PDE4B: variants seen among roughly 807,000 people sequenced by gnomAD.
PDE4B encodes the protein phosphodiesterase 4B, also known as 3',5'-cyclic-AMP phosphodiesterase 4B.
PDE4B carries 20 observed loss-of-function variants against 82.2 expected under a neutral mutation model. That is an observed-to-expected ratio of 0.24 (90% CI 0.17 to 0.35). PDE4B has a LOEUF of 0.35. Ranked by LOEUF, PDE4B falls within the 10% of genes least tolerant of loss-of-function variation. The pLI is 1.00. For synonymous variants in PDE4B, 320 were observed against 318.9 expected, an observed-to-expected ratio of 1.00 and a Z score of -0.04; for missense variants, 655 against 907.2, an observed-to-expected ratio of 0.72 and a Z score of 3.57.
chr1:66,235,407 T>A (rs1652330138), intron 3 of PDE4B, among the ~76,000 whole-genome samples: 1 of 152,200 alleles, frequency 6.6e-6, no homozygotes, highest in South Asian at 2.1e-4. Context: ...TTTAGAATTG[T>A]TATATTCTCA....
At chr1:66,258,321 A>G (rs531616976) in intron 6 of PDE4B, among the ~76,000 whole-genome samples, 3 of 152,368 alleles carry the variant, frequency 2.0e-5, no homozygotes, top group Admixed American at 6.5e-5. Flanking sequence ...TTTAATGAAT[A>G]AGAGTGGGAT....
chr1:66,096,519 T>C lies in PDE4B; in HGVS notation c.282-150941T>C, dbSNP rs948443829. Among the ~76,000 whole-genome samples, 39 of 138,788 alleles carry C rather than the reference T, an allele frequency of 2.8e-4. 1 individual carries two copies. The highest frequency in any genetic ancestry group is 9.3e-4 in the Admixed American group (13 of 13,910). The allele number at this position is 138,788 out of a possible 152,430, so 91.1% of individuals were successfully genotyped here. On this transcript the variant is annotated intron_variant, in intron 3 of 16. Coordinates refer to ENST00000341517, the MANE Select transcript of PDE4B (RefSeq NM_002600.4). ...ATAAGTAAAAAAAATTATATATATA[T>C]ATATATATATATATATATATATACT...
chr1:66,217,032 C>T (rs751395050), intron 3 of PDE4B, among the ~76,000 whole-genome samples: 47 of 152,218 alleles, frequency 3.1e-4, no homozygotes, highest in Non-Finnish European at 4.3e-4. Flanking sequence ...ATCATCATGT[C>T]TGCTTCATTT....
intron 16 of PDE4B, among the ~76,000 whole-genome samples, chr1:66,371,821 G>C (rs984191546): frequency 6.6e-6 from 1 of 152,322 alleles, no homozygotes; most frequent in South Asian, 2.1e-4. Flanking sequence ...GTCAAAACAC[G>C]TTAGACCTGG....
Position 66,240,373 on chromosome 1 carries a change from T to C in PDE4B, c.282-7087T>C, listed in dbSNP as rs191718211. 1.6e-4 allele frequency among the ~76,000 whole-genome samples: 24 copies of C among 152,282 alleles called. No individual in the cohort carries two copies. In the East Asian group the frequency reaches 4.4e-3, roughly 28 times the overall value. Reference sequence around the variant, plus strand: ...TCATCTGACTCAATTCTTTAAAGTATAGAAATGAGGATAGGAAGGAACTAA... The same window carrying C: ...TCATCTGACTCAATTCTTTAAAGTACAGAAATGAGGATAGGAAGGAACTAA... On this transcript the variant is annotated intron_variant, in intron 3 of 16. Coordinates refer to ENST00000341517, the MANE Select transcript of PDE4B (RefSeq NM_002600.4).
chr1:66,124,809 T>C lies in PDE4B; in HGVS notation c.282-122651T>C, dbSNP rs141314144. ...AATTTACGTTCTCCTTGTGTTTGCGTGGGTTTTCTCCCAGTACTCCAGTTT... is the reference window on the plus strand; with the variant it reads ...AATTTACGTTCTCCTTGTGTTTGCGCGGGTTTTCTCCCAGTACTCCAGTTT... On this transcript the variant is annotated intron_variant, in intron 3 of 16. Transcript: ENST00000341517. Among the ~76,000 whole-genome samples, 3 of 152,246 alleles carry C rather than the reference T, an allele frequency of 2.0e-5. No homozygotes were observed. The East Asian group carries it at 5.8e-4, about 29-fold the overall frequency.
At chr1:66,306,950 G>A (rs931293357) in intron 7 of PDE4B, among the ~76,000 whole-genome samples, 5 of 152,160 alleles carry the variant, frequency 3.3e-5, no homozygotes, top group African/African-American at 7.2e-5. Flanking sequence ...GATTTGGGAG[G>A]CATCTAAATG....
intron 7 of PDE4B, among the ~76,000 whole-genome samples, chr1:66,276,075 C>G (rs1557673958): frequency 6.6e-6 from 1 of 152,144 alleles, no homozygotes; most frequent in Non-Finnish European, 1.5e-5. Flanking sequence ...TTTCTAGGGT[C>G]TAGTCTGGCT....
chr1:66,210,595 CAAAAAAAAAAAAAAA>C (rs35825766), intron 3 of PDE4B, among the ~76,000 whole-genome samples: 1 of 45,802 alleles, frequency 2.2e-5, no homozygotes, highest in African/African-American at 8.5e-5. Flanking sequence ...GACTCCATCT[CAAAAAAAAAAAAAAA>C]AAAAAAAAAG....
chr1:66,144,633 G>T (rs1027532393), intron 3 of PDE4B, among the ~76,000 whole-genome samples: 1 of 152,152 alleles, frequency 6.6e-6, no homozygotes, highest in African/African-American at 2.4e-5. Flanking sequence ...GATTAAGGAG[G>T]CTCAATCATT....
chr1:66,092,426 A>G (rs1242916353), intron 3 of PDE4B, among the ~76,000 whole-genome samples: 2 of 152,044 alleles, frequency 1.3e-5, no homozygotes, highest in East Asian at 3.9e-4. Context: ...TCCTCTGCAT[A>G]CTATTCATTT....
intron 3 of PDE4B, among the ~76,000 whole-genome samples, chr1:66,201,331 TCTTTGGTATCAGGATGATGCTGGC>T (rs1464569530): frequency 6.6e-6 from 1 of 150,656 alleles, no homozygotes; most frequent in Non-Finnish European, 1.5e-5. Flanking sequence ...TCTCTGCCAG[TCTTTGGTATCAGGATGATGCTGGC>T]CTCATAAAAT....
intron 1 of PDE4B, among the ~76,000 whole-genome samples, chr1:65,904,458 T>C (rs1339978117): frequency 3.9e-5 from 6 of 152,230 alleles, no homozygotes; most frequent in African/African-American, 1.4e-4. Flanking sequence ...TCCAATTTAA[T>C]GTAAATTCCT....
chr1:65,899,545 G>A (rs1357789448), intron 1 of PDE4B, among the ~76,000 whole-genome samples: 2 of 150,702 alleles, frequency 1.3e-5, no homozygotes, highest in East Asian at 1.9e-4. Flanking sequence ...TGCACAATTC[G>A]CAATTGCAAA....
In PDE4B at chr1:65,883,120, C is replaced by T. The variant is rs1646728480; in HGVS notation, c.-70-30125C>T. 2.0e-5 allele frequency among the ~76,000 whole-genome samples: 3 copies of T among 152,004 alleles called. 1 individual carries two copies. In the South Asian group the frequency reaches 6.2e-4, roughly 31 times the overall value. ...AGATGAGACTCCTGTTATGAAAATGCTTTGTCTTGGAAATGCGGGCTCTTT... is the reference window on the plus strand; with the variant it reads ...AGATGAGACTCCTGTTATGAAAATGTTTTGTCTTGGAAATGCGGGCTCTTT... On this transcript the variant is annotated intron_variant, in intron 1 of 16. Coordinates refer to ENST00000341517, the MANE Select transcript of PDE4B (RefSeq NM_002600.4).
chr1:66,374,467 T>G lies in PDE4B; in HGVS notation c.*1789T>G, dbSNP rs2050896359. 6.5e-6 allele frequency: 1 copy of G among 152,680 alleles called. No individual in the cohort carries two copies. The highest frequency in any genetic ancestry group is 1.5e-5 in the Non-Finnish European group (1 of 68,048). The allele number at this position is 152,680 out of a possible 1,614,324, so 9.5% of individuals were successfully genotyped here. ...ATTGTTTCAGGTGGACATTTTATCA[T>G]TTTCAAATGTTTCTCACAATGTATG... On this transcript the variant is annotated 3_prime_UTR_variant, in exon 17 of 17. Transcript: ENST00000341517.
Position 65,905,245 on chromosome 1 carries a change from A to G in PDE4B, c.-70-8000A>G, listed in dbSNP as rs531474546. Among the ~76,000 whole-genome samples, 7 of 152,312 alleles carry G rather than the reference A, an allele frequency of 4.6e-5. No individual in the cohort carries two copies. In the East Asian group the frequency reaches 1.2e-3, roughly 25 times the overall value. ...ATAATACCTTCTTACAGGTAGGGGA[A>G]GTCCATAAAGGCTTTTCTGAACAAA... On this transcript the variant is annotated intron_variant, in intron 1 of 16. Transcript: ENST00000341517.
At chr1:66,180,261 T>A (rs1308190999) in intron 3 of PDE4B, among the ~76,000 whole-genome samples, 1 of 152,156 alleles carries the variant, frequency 6.6e-6, no homozygotes, top group East Asian at 1.9e-4. Context: ...TATGTGAACA[T>A]GTGAAACAAC....
intron 3 of PDE4B, among the ~76,000 whole-genome samples, chr1:66,184,697 T>C (rs1647143252): frequency 6.6e-6 from 1 of 152,160 alleles, no homozygotes; most frequent in African/African-American, 2.4e-5. Context: ...AGAAGCACAC[T>C]TGGCAAAGCA....
Sources: allele counts gnomAD v4.1 joint callset (sites outside exome capture counted in the v4.1 genomes callset), GRCh38; gene constraint gnomAD v4.1.1; transcripts MANE v1.5; gene names NCBI Gene and HGNC (gene_info 2026-07-23, HGNC 2026-07-21).